Variants in SLC14A2 observed in about 807,000 individuals in gnomAD.
SLC14A2 encodes the protein solute carrier family 14 member 2, also known as urea transporter 2.
A neutral mutation model predicts 104.6 loss-of-function variants in SLC14A2; 91 were observed. The ratio of observed to expected loss-of-function variants is 0.87; its 90% CI spans 0.73 to 1.04. The LOEUF is 1.04. Ranked by LOEUF, SLC14A2 falls within the 50% of genes least tolerant of loss-of-function variation. The pLI is 0.00. For missense variants in SLC14A2, 1,189 were observed against 1,156.0 expected (o/e 1.03, Z -0.41); for synonymous variants, 476 against 466.4 (o/e 1.02, Z -0.27).
intron 1 of SLC14A2, among the ~76,000 whole-genome samples, chr18:45,253,930 A>G (rs1300152280): frequency 6.6e-6 from 1 of 152,240 alleles, no homozygotes; most frequent in Non-Finnish European, 1.5e-5. Flanking sequence ...GGCAAATTAT[A>G]TCTTATTTGA....
intron 2 of SLC14A2, among the ~76,000 whole-genome samples, chr18:45,584,283 G>C (rs1248013406): frequency 2.0e-5 from 3 of 152,170 alleles, no homozygotes; most frequent in Admixed American, 6.5e-5. Flanking sequence ...TTGTGGGCTA[G>C]ACTAATTTAG....
intron 1 of SLC14A2, among the ~76,000 whole-genome samples, chr18:45,338,172 A>C (rs2085354670): frequency 1.3e-5 from 2 of 152,060 alleles, no homozygotes; most frequent in Admixed American, 1.3e-4. Flanking sequence ...CCCCTGATTC[A>C]AGTTATTCCA....
At chr18:45,354,077 G>T (rs575553728) in intron 1 of SLC14A2, among the ~76,000 whole-genome samples, 3 of 152,062 alleles carry the variant, frequency 2.0e-5, no homozygotes, top group Non-Finnish European at 4.4e-5. Context: ...GTAATTTTTC[G>T]CAGGGGGTAG....
At chr18:45,669,072 T>C (rs2046082263) in intron 15 of SLC14A2, among the ~76,000 whole-genome samples, 1 of 152,252 alleles carries the variant, frequency 6.6e-6, no homozygotes, top group Non-Finnish European at 1.5e-5. Context: ...TGAAGGAAGT[T>C]CTGAGACTGC....
At chr18:45,501,616 G>T (rs1181072972) in intron 2 of SLC14A2, among the ~76,000 whole-genome samples, 1 of 152,228 alleles carries the variant, frequency 6.6e-6, no homozygotes, top group Non-Finnish European at 1.5e-5. Flanking sequence ...GGGCCATAGA[G>T]TTGCCGGGAC....
chr18:45,387,270 C>A (rs2085907953), intron 1 of SLC14A2, among the ~76,000 whole-genome samples: 1 of 152,178 alleles, frequency 6.6e-6, no homozygotes, highest in African/African-American at 2.4e-5. Context: ...CGTCAAGCAA[C>A]CCCGTATTTC....
At chr18:45,456,999 A>G (rs2086954845) in intron 1 of SLC14A2, among the ~76,000 whole-genome samples, 1 of 152,074 alleles carries the variant, frequency 6.6e-6, no homozygotes. Flanking sequence ...GACCCACAAG[A>G]TACAGGGACC....
At position 45,541,853 on chromosome 18, in the gene SLC14A2, A is replaced by T. The variant is rs145443091; in HGVS notation, c.-35+58531A>T. On this transcript the variant is annotated intron_variant, in intron 2 of 20. Transcript: ENST00000586448. Reference sequence around the variant, plus strand: ...ATTTCCAGATGGGCAGGTGTCAAGGACACCCTGTTTACTGTGTGTTCCCAA... The same window carrying T: ...ATTTCCAGATGGGCAGGTGTCAAGGTCACCCTGTTTACTGTGTGTTCCCAA... Among the ~76,000 whole-genome samples the T allele has an allele frequency of 9.7e-4, 147 of 152,216 alleles. 1 individual carries two copies. The highest frequency in any genetic ancestry group is 3.2e-3 in the African/African-American group (134 of 41,522).
intron 1 of SLC14A2, among the ~76,000 whole-genome samples, chr18:45,297,691 A>G (rs2084930333): frequency 6.6e-6 from 1 of 152,176 alleles, no homozygotes; most frequent in Non-Finnish European, 1.5e-5. Flanking sequence ...GTGAAGGCGC[A>G]TGTTCTAAAC....
chr18:45,536,600 G>T (rs921510880), intron 2 of SLC14A2, among the ~76,000 whole-genome samples: 1 of 152,098 alleles, frequency 6.6e-6, no homozygotes, highest in Non-Finnish European at 1.5e-5. Flanking sequence ...TCTCCAGTAT[G>T]ATCTCATCTT....
chr18:45,554,750 G>T (rs1235468912), intron 2 of SLC14A2, among the ~76,000 whole-genome samples: 2 of 152,156 alleles, frequency 1.3e-5, no homozygotes, highest in African/African-American at 4.8e-5. Context: ...TATAAGACCA[G>T]TTCCAAGGAG....
rs867457092 is a variant in SLC14A2 at position 45,542,058 on chromosome 18, T to G, written c.-35+58736T>G. Among the ~76,000 whole-genome samples the G allele has an allele frequency of 9.6e-3, 1,182 of 122,514 alleles. 39 individuals are homozygous for G. The highest frequency in any genetic ancestry group is 0.023 in the African/African-American group (827 of 35,590). The allele number at this position is 122,514 out of a possible 152,430, so 80.4% of individuals were successfully genotyped here. On this transcript the variant is annotated intron_variant, in intron 2 of 20. Coordinates refer to the SLC14A2 transcript ENST00000586448. ...GGGTTTTTTTTTTTTTTTTTTTTTTTTTTTTTTTTTTTTTGCTTTTGAGTT... is the reference window on the plus strand; with the variant it reads ...GGGTTTTTTTTTTTTTTTTTTTTTTGTTTTTTTTTTTTTTGCTTTTGAGTT...
the SLC14A2 span, among the ~76,000 whole-genome samples, chr18:45,178,144 G>A: frequency 6.6e-6 from 1 of 152,080 alleles, no homozygotes; most frequent in Admixed American, 6.5e-5. Flanking sequence ...GAAGCAATTT[G>A]TTTATTATTA....
At chr18:45,650,220 CT>C (rs1326114203) in intron 10 of SLC14A2, among the ~76,000 whole-genome samples, 1 of 152,170 alleles carries the variant, frequency 6.6e-6, no homozygotes. Context: ...CCTTTCTTTT[CT>C]TCAATTCAAT....
At position 45,667,948 on chromosome 18, in the gene SLC14A2, C is replaced by T; in HGVS notation, c.1833C>T (p.Asn611=). ...TCATCCTCGGCCTCTTCATCCAGAA[C>T]CCCTGGTGGGCGATCTCAGGCTGCC... is the stretch of plus-strand genomic sequence containing the variant. ...ILIILGLFIQ[N]PWWAISGCLG... is the part of the protein sequence containing the mutation. The change falls in exon 14 of 20, where the codon AAC becomes AAT. Residue 611 remains asparagine (N), a synonymous_variant. Coordinates refer to ENST00000255226, the MANE Select transcript of SLC14A2 (RefSeq NM_007163.4). The T allele has an allele frequency of 6.2e-7, 1 of 1,614,154 alleles. No homozygotes were observed. The highest frequency in any genetic ancestry group is 2.2e-5 in the East Asian group (1 of 44,882).
intron 2 of SLC14A2, among the ~76,000 whole-genome samples, chr18:45,602,041 A>G (rs1825475): frequency 0.74 from 112,211 of 152,168 alleles, 41,591 homozygotes; most frequent in East Asian, 0.85. Flanking sequence ...CACTCTAGGA[A>G]TACTCATTCA....
chr18:45,328,173 C>A (rs959756001), intron 1 of SLC14A2, among the ~76,000 whole-genome samples: 2 of 152,164 alleles, frequency 1.3e-5, no homozygotes, highest in Non-Finnish European at 1.5e-5. Context: ...TTTTCCCAGG[C>A]CTGTTTATCT....
the SLC14A2 span, among the ~76,000 whole-genome samples, chr18:45,169,833 G>C: frequency 1.3e-5 from 2 of 152,064 alleles, no homozygotes; most frequent in Non-Finnish European, 2.9e-5. Flanking sequence ...CTTTCCACTT[G>C]CACCATCAGG....
rs140918355 is a variant in SLC14A2, at chr18:45,541,279, C to A, written c.-35+57957C>A. Among the ~76,000 whole-genome samples the A allele has an allele frequency of 8.5e-5, 13 of 152,316 alleles. No homozygotes were observed. In the East Asian group the frequency reaches 2.5e-3, roughly 29 times the overall value. ...CTGCCACTACTGACAGCATGATGAG[C>A]CCCTTATCAAGATTCGACTGGCCCA... On this transcript the variant is annotated intron_variant, in intron 2 of 20. Transcript: ENST00000586448.
Sources: gnomAD v4.1 joint callset for allele counts (sites outside exome capture counted in the v4.1 genomes callset) on GRCh38, gnomAD v4.1.1 for gene constraint, MANE v1.5 for transcripts, NCBI Gene and HGNC (gene_info 2026-07-23, HGNC 2026-07-21) for gene names.